COLGALT2: variants seen among roughly 807,000 people sequenced by gnomAD.
COLGALT2 encodes collagen beta(1-O)galactosyltransferase 2, also known as procollagen galactosyltransferase 2.
Under a neutral mutation model 73.4 loss-of-function variants are expected in COLGALT2, and 49 were observed. That is an observed-to-expected ratio of 0.67 (90% CI 0.53 to 0.85). COLGALT2 has a LOEUF of 0.85. COLGALT2 is among the 40% of genes least tolerant of loss of function. The pLI is 0.00. For missense variants in COLGALT2, 722 were observed against 790.2 expected (o/e 0.91, Z 1.03); for synonymous variants, 295 against 307.6 (o/e 0.96, Z 0.43).
At chr1:183,986,393 A>T (rs1671489557) in intron 1 of COLGALT2, among the ~76,000 whole-genome samples, 1 of 152,164 alleles carries the variant, frequency 6.6e-6, no homozygotes, top group African/African-American at 2.4e-5. Flanking sequence ...CTTCCTCAAC[A>T]TCCCTCCTCA....
intron 5 of COLGALT2, chr1:183,964,617 A>T (rs1021050309): frequency 4.6e-5 from 7 of 152,298 alleles, no homozygotes; most frequent in Non-Finnish European, 2.9e-5. Context: ...TCATATAGAG[A>T]CAAAAGAGTC....
At position 183,957,318 on chromosome 1, in the gene COLGALT2, C is replaced by G. The variant is rs567646627; in HGVS notation, c.953-2480G>C. On this transcript the variant is annotated intron_variant, in intron 6 of 11. Transcript: ENST00000361927. Reference sequence around the variant, plus strand: ...GAGCTGATAGAGCTGGTATTTGAACCTAGGTCCTACTCCTTTACCGGAGCT... The same window carrying G: ...GAGCTGATAGAGCTGGTATTTGAACGTAGGTCCTACTCCTTTACCGGAGCT... Among the ~76,000 whole-genome samples, 30 of 152,226 alleles carry G rather than the reference C, an allele frequency of 2.0e-4. No homozygotes were observed. In the South Asian group the frequency reaches 5.6e-3, roughly 28 times the overall value.
intron 1 of COLGALT2, among the ~76,000 whole-genome samples, chr1:184,010,611 A>C (rs960953356): frequency 2.6e-5 from 4 of 152,186 alleles, no homozygotes; most frequent in Admixed American, 1.3e-4. Context: ...CCTCTCAAAG[A>C]ATGAGGTACA....
rs1304569715 is a variant in COLGALT2 at position 183,938,574 on chromosome 1, G to C, written c.*187C>G. 7.0e-7 allele frequency: 1 copy of C among 1,420,610 alleles called. No homozygotes were observed. Among genetic ancestry groups the C allele is most frequent in the South Asian group, 1.6e-5 (1 of 62,662 alleles). The allele number at this position is 1,420,610 out of a possible 1,614,324, so 88.0% of individuals were successfully genotyped here. A position where few individuals can be genotyped will look rare whatever the true frequency, so the allele number is the denominator to read the frequency against. ...TCAGCCGTCTTGGGAAATTTGGGTT[G>C]AATTTCCTTATTTCCTTCCATGGTC... On this transcript the variant is annotated 3_prime_UTR_variant, in exon 12 of 12. Transcript: ENST00000361927.
At chr1:183,933,422 C>T (rs1669885282), downstream of COLGALT2, among the ~76,000 whole-genome samples, 1 of 152,342 alleles carries the variant, frequency 6.6e-6, no homozygotes, top group Non-Finnish European at 1.5e-5. Context: ...GTTTCCTCCC[C>T]TGAGCTAGGC....
At chr1:183,999,978 T>C (rs1032897537) in intron 1 of COLGALT2, among the ~76,000 whole-genome samples, 1 of 152,142 alleles carries the variant, frequency 6.6e-6, no homozygotes, top group African/African-American at 2.4e-5. Flanking sequence ...TATTCTGTTT[T>C]TTTACCCGCA....
chr1:183,966,659 T>G (rs1453637757), intron 5 of COLGALT2, among the ~76,000 whole-genome samples: 2 of 152,238 alleles, frequency 1.3e-5, no homozygotes, highest in Admixed American at 1.3e-4. Context: ...CTCACCTCTT[T>G]TGACTCACAT....
intron 1 of COLGALT2, among the ~76,000 whole-genome samples, chr1:184,001,418 G>A (rs921137602): frequency 2.6e-5 from 4 of 152,006 alleles, no homozygotes; most frequent in African/African-American, 9.7e-5. Flanking sequence ...TCCAAGTACT[G>A]TCTATCCCTC....
chr1:184,031,814 T>A (rs1649517674), intron 1 of COLGALT2, among the ~76,000 whole-genome samples: 1 of 148,464 alleles, frequency 6.7e-6, no homozygotes, highest in African/African-American at 2.5e-5. Flanking sequence ...CCTCCATGAA[T>A]GTATCCTTCC....
Position 183,937,289 on chromosome 1 carries a change from TC to T in COLGALT2, c.*1471del. 9.0e-7 allele frequency: 1 copy of T among 1,116,584 alleles called. No homozygotes were observed. Among genetic ancestry groups the T allele is most frequent in the Non-Finnish European group, 1.1e-6 (1 of 915,244 alleles). The allele number at this position is 1,116,584 out of a possible 1,614,324, so 69.2% of individuals were successfully genotyped here. A position where few individuals can be genotyped will look rare whatever the true frequency, so the allele number is the denominator to read the frequency against. ...GGTATGGGATGCCTGGGAGGGTTTTTCTGGAGACAAAAATTTACAGATTGAG... is the reference window on the plus strand; with the variant it reads ...GGTATGGGATGCCTGGGAGGGTTTTTTGGAGACAAAAATTTACAGATTGAG... On this transcript the variant is annotated 3_prime_UTR_variant, in exon 12 of 12. Transcript: ENST00000361927.
chr1:183,979,799 T>C (rs1012978607), intron 1 of COLGALT2, among the ~76,000 whole-genome samples: 4 of 152,070 alleles, frequency 2.6e-5, no homozygotes, highest in African/African-American at 9.7e-5. Context: ...AGTAAGTATA[T>C]ATAGGATCTG....
Position 184,037,105 on chromosome 1 carries a change from T to A in COLGALT2, c.253A>T (p.Met85Leu). 1.3e-6 allele frequency: 2 copies of A among 1,582,384 alleles called. No homozygotes were observed. Among genetic ancestry groups the A allele is most frequent in the Non-Finnish European group, 1.7e-6 (2 of 1,167,590 alleles). ...CCCGTGCGCGCTCACCAGATGGCCA[T>A]CCTGCTCTTGGGGTAGTCCAGCCGC... ...LERLDYPKSR[M>L]AIWAATDHNV... Residue 85 changes from methionine to leucine, a missense_variant, in exon 1 of 12, where the codon ATG (methionine) becomes TTG (leucine). By Grantham distance (15) the Met-to-Leu change is conservative. Coordinates refer to ENST00000361927, the MANE Select transcript of COLGALT2 (RefSeq NM_015101.4).
At chr1:183,930,138 G>A (rs1192807389) in exon 12 of COLGALT2, 6 of 452,204 alleles carry the variant, frequency 1.3e-5, no homozygotes, top group Admixed American at 4.7e-5. Context: ...CAGGGGAGGT[G>A]GGAAATGCAG....
intron 1 of COLGALT2, among the ~76,000 whole-genome samples, chr1:184,019,261 TGA>T (rs1649099743): frequency 6.6e-6 from 1 of 151,402 alleles, no homozygotes; most frequent in African/African-American, 2.5e-5. Flanking sequence ...TCATTTTTCA[TGA>T]AGAAACCAGG....
chr1:184,004,469 C>T (rs1672016332), intron 1 of COLGALT2, among the ~76,000 whole-genome samples: 1 of 152,144 alleles, frequency 6.6e-6, no homozygotes, highest in Non-Finnish European at 1.5e-5. Context: ...TGTTCTACAA[C>T]ATTTTTAGGT....
At position 183,973,677 on chromosome 1, in the gene COLGALT2, A is replaced by G. The variant is rs149401878; in HGVS notation, c.566T>C (p.Val189Ala). Residue 189 changes from valine (V) to alanine (A), a missense_variant, in exon 4 of 12, where the codon GTG (valine) becomes GCG (alanine). Val to Ala is a moderately conservative substitution (Grantham distance 64). Coordinates refer to ENST00000361927, the MANE Select transcript of COLGALT2 (RefSeq NM_015101.4). The stretch of plus-strand genomic sequence containing the variant: ...GCCCCGAGACTCCAGCATGGGGGCC[A>G]CAATAGTTTTGTTTTCTGCAATCAG... ...NLLIAENKTIVAPMLESRGLY... is the reference protein window; with the variant it reads ...NLLIAENKTIAAPMLESRGLY... The G allele has an allele frequency of 6.2e-7, 1 of 1,614,000 alleles. No individual in the cohort carries two copies. The highest frequency in any genetic ancestry group is 8.5e-7 in the Non-Finnish European group (1 of 1,179,992).
intron 4 of COLGALT2, among the ~76,000 whole-genome samples, chr1:183,970,494 A>G (rs1021221143): frequency 6.6e-6 from 1 of 152,220 alleles, no homozygotes; most frequent in African/African-American, 2.4e-5. Flanking sequence ...ATAAGGTGCT[A>G]CAGCCTCACC....
At chr1:184,021,090 T>C (rs906270523) in intron 1 of COLGALT2, among the ~76,000 whole-genome samples, 2 of 152,134 alleles carry the variant, frequency 1.3e-5, no homozygotes, top group Admixed American at 6.5e-5. Context: ...CACGAGACTA[T>C]AGGAGTGAAT....
In COLGALT2 at chr1:183,969,414, G is replaced by A. The variant is rs950467505; in HGVS notation, c.687C>T (p.Cys229=). ...TGGAGTGGACCATGGGGACGGGGAA[G>A]CAGCCTGTCCTCTTCCATTCTCGAA... ...VQIREWKRTG[C]FPVPMVHSTF... is the part of the protein sequence containing the mutation. Residue 229 remains cysteine, a synonymous_variant, in exon 5 of 12, where the codon TGC becomes TGT. Coordinates refer to ENST00000361927, the MANE Select transcript of COLGALT2 (RefSeq NM_015101.4). 17 of 1,613,738 alleles carry A rather than the reference G, an allele frequency of 1.1e-5. No homozygotes were observed. Among genetic ancestry groups the A allele is most frequent in the African/African-American group, 2.7e-5 (2 of 74,898 alleles).
Sources: allele counts gnomAD v4.1 joint callset (sites outside exome capture counted in the v4.1 genomes callset), GRCh38; gene constraint gnomAD v4.1.1; transcripts MANE v1.5; gene names NCBI Gene and HGNC (gene_info 2026-07-23, HGNC 2026-07-21).